CEP89: variants seen among roughly 807,000 people sequenced by gnomAD.
CEP89 encodes the protein centrosomal protein of 89 kDa.
CEP89 carries 95 observed loss-of-function variants against 97.6 expected under a neutral mutation model. The ratio of observed to expected loss-of-function variants is 0.97; its 90% CI spans 0.82 to 1.15. CEP89 has a LOEUF of 1.15. CEP89 is among the 50% of genes most tolerant of loss of function. CEP89 has a pLI of 0.00. For synonymous variants in CEP89, 354 were observed against 349.1 expected (o/e 1.01, Z -0.16); for missense variants, 869 against 947.7 (o/e 0.92, Z 1.09).
At chr19:32,942,750 T>C (rs997830715) in intron 5 of CEP89, among the ~76,000 whole-genome samples, 2 of 152,058 alleles carry the variant, frequency 1.3e-5, no homozygotes, top group African/African-American at 4.8e-5. Context: ...TTCTATTACC[T>C]ATATGGGTGA....
intron 9 of CEP89, among the ~76,000 whole-genome samples, chr19:32,928,574 C>T (rs1035734631): frequency 2.0e-5 from 3 of 152,084 alleles, no homozygotes; most frequent in Non-Finnish European, 2.9e-5. Flanking sequence ...GGGCAGAACT[C>T]GAAGGTTCCC....
At chr19:32,897,497 A>G (rs937584463) in intron 16 of CEP89, among the ~76,000 whole-genome samples, 8 of 152,344 alleles carry the variant, frequency 5.3e-5, no homozygotes, top group Middle Eastern at 3.4e-3. Flanking sequence ...GAAGCAGAAT[A>G]GCCAACAAGC....
At chr19:32,929,294 T>C (rs1970422097) in intron 9 of CEP89, among the ~76,000 whole-genome samples, 1 of 151,992 alleles carries the variant, frequency 6.6e-6, no homozygotes, top group Non-Finnish European at 1.5e-5. Context: ...CAAACAAAAG[T>C]CTGCAATGGT....
intron 14 of CEP89, among the ~76,000 whole-genome samples, chr19:32,910,283 G>GAT (rs1265003052): frequency 6.8e-6 from 1 of 147,614 alleles, no homozygotes; most frequent in Admixed American, 6.8e-5. Context: ...GAGAGAGAGA[G>GAT]AGAGAGCGAG....
At chr19:32,882,520 CCA>C (rs1969306158) in intron 17 of CEP89, among the ~76,000 whole-genome samples, 1 of 151,386 alleles carries the variant, frequency 6.6e-6, no homozygotes, top group Non-Finnish European at 1.5e-5. Flanking sequence ...TGTGATCACG[CCA>C]CTGCACTCTA....
At chr19:32,931,361 T>C (rs745536750) in intron 9 of CEP89, 68 bp downstream of exon 9, 9 of 1,356,754 alleles carry the variant, frequency 6.6e-6, no homozygotes, top group African/African-American at 3.0e-5. Flanking sequence ...CCTCTCAAGA[T>C]TGGAAATCAA....
At chr19:32,969,491 C>G (rs1971353765) in intron 1 of CEP89, 1 of 152,284 alleles carries the variant, frequency 6.6e-6, no homozygotes, top group Non-Finnish European at 1.5e-5. Flanking sequence ...GGCTGCAGGT[C>G]TTGGCTCCGA....
chr19:32,932,236 G>C (rs1048084482), intron 8 of CEP89, among the ~76,000 whole-genome samples: 1 of 150,200 alleles, frequency 6.7e-6, no homozygotes, highest in East Asian at 1.9e-4. Flanking sequence ...AAATGTATTA[G>C]AGCTAATAAC....
At chr19:32,933,317 A>T in intron 8 of CEP89, 134 bp downstream of exon 8, 1 of 698,448 alleles carries the variant, frequency 1.4e-6, no homozygotes, top group Non-Finnish European at 2.4e-6. Context: ...AAACATAAGG[A>T]TATTAACAAA....
In CEP89 at chr19:32,923,514, A is replaced by G. The variant is rs4805825; in HGVS notation, c.1193T>C (p.Val398Ala). The part of the protein sequence containing the change: ...KEEMRMFRMR[V>A]QEVVKENEEL... ...TTCATTTTCTTTCACCACTTCTTGG[A>G]CTCGCATCCTAAACATTCTCATTTC... The change falls in exon 12 of 19, where the codon GTC becomes GCC. Residue 398 changes from valine to alanine, a missense_variant. By Grantham distance (64) the Val-to-Ala change is moderately conservative. Coordinates refer to ENST00000305768, the MANE Select transcript of CEP89 (RefSeq NM_032816.5). 331,628 of 1,599,812 alleles carry G rather than the reference A, an allele frequency of 0.21. 37,817 individuals carry two copies. Among genetic ancestry groups the G allele is most frequent in the East Asian group, 0.54 (24,026 of 44,696 alleles).
chr19:32,939,807 T>TA (rs767327651), intron 6 of CEP89, 50 bp downstream of exon 6: 1 of 864,576 alleles, frequency 1.2e-6, no homozygotes, highest in Non-Finnish European at 1.8e-6. Flanking sequence ...AAAATTATGA[T>TA]AAAAACTCTA....
chr19:32,941,040 C>T lies in CEP89; in HGVS notation c.596-1155G>A, dbSNP rs143609379. 7.9e-5 allele frequency among the ~76,000 whole-genome samples: 12 copies of T among 152,178 alleles called. No homozygotes were observed. In the East Asian group the frequency reaches 1.9e-3, roughly 25 times the overall value. On this transcript the variant is annotated intron_variant, in intron 5 of 18. Coordinates refer to ENST00000305768, the MANE Select transcript of CEP89 (RefSeq NM_032816.5). ...CCTCCCAAGGTGCAGGGATTACAGG[C>T]GTGAGCCACTGTGCCTGGCCCTGAG...
In CEP89 at chr19:32,878,570, C is replaced by T. The variant is rs1969210833; in HGVS notation, c.*592G>A. 1 of 152,284 alleles carries T rather than the reference C, an allele frequency of 6.6e-6. No homozygotes were observed. The highest frequency in any genetic ancestry group is 1.5e-5 in the Non-Finnish European group (1 of 68,110). 9.4% of individuals were successfully genotyped at this position (152,284 alleles called of 1,614,324 possible). On this transcript the variant is annotated 3_prime_UTR_variant, in exon 19 of 19. Transcript: ENST00000305768. ...TGGAAGGCAGGCCTGCTCAGCAGGC[C>T]ACCTACTCACCAGAGCAGTGGGTGT...
chr19:32,911,260 T>A (rs8101313), intron 14 of CEP89, among the ~76,000 whole-genome samples: 137,531 of 152,346 alleles, frequency 0.9, 62,265 homozygotes, highest in African/African-American at 0.98. Context: ...GTTATGACAC[T>A]GCCACAAAAA....
At chr19:32,942,459 T>C (rs1210583055) in intron 5 of CEP89, among the ~76,000 whole-genome samples, 1 of 152,214 alleles carries the variant, frequency 6.6e-6, no homozygotes, top group African/African-American at 2.4e-5. Context: ...TTTACTAGTC[T>C]CTCTACTTTT....
rs146556414 is a variant in CEP89, at chr19:32,916,901, G to A, written c.1384+1323C>T. Among the ~76,000 whole-genome samples, 27 of 152,212 alleles carry A rather than the reference G, an allele frequency of 1.8e-4. No homozygotes were observed. In the East Asian group the frequency reaches 4.8e-3, roughly 27 times the overall value. On this transcript the variant is annotated intron_variant, in intron 13 of 18. Transcript: ENST00000305768. Reference sequence around the variant, plus strand: ...CGCGTGACTGTAATCCCAGCTACCCGGGAGGTTGAGGCAGGAGAATCGCTG... The same window carrying A: ...CGCGTGACTGTAATCCCAGCTACCCAGGAGGTTGAGGCAGGAGAATCGCTG...
chr19:32,939,676 C>CA (rs34993676), intron 6 of CEP89, among the ~76,000 whole-genome samples, 181 bp downstream of exon 6: 236 of 119,598 alleles, frequency 2.0e-3, no homozygotes, highest in African/African-American at 2.7e-3. Context: ...ACCCCCTTCT[C>CA]AAAAAAAAAA....
At chr19:32,952,048 G>C (rs1970931055) in intron 4 of CEP89, among the ~76,000 whole-genome samples, 1 of 152,180 alleles carries the variant, frequency 6.6e-6, no homozygotes. Flanking sequence ...GCTCTGGGCA[G>C]TGTCTGCCTA....
At chr19:32,950,798 A>C (rs971638622) in intron 4 of CEP89, among the ~76,000 whole-genome samples, 4 of 152,202 alleles carry the variant, frequency 2.6e-5, no homozygotes, top group Non-Finnish European at 4.4e-5. Flanking sequence ...TCATCAGTAA[A>C]ATGAATAACT....
Sources: gnomAD v4.1 joint callset for allele counts (sites outside exome capture counted in the v4.1 genomes callset) on GRCh38, gnomAD v4.1.1 for gene constraint, MANE v1.5 for transcripts, NCBI Gene and HGNC (gene_info 2026-07-23, HGNC 2026-07-21) for gene names.